The following MICU1 variants were observed in gnomAD, a reference collection of about 807,000 sequenced individuals.
MICU1 encodes the protein calcium uptake protein 1, mitochondrial.
A neutral mutation model predicts 56.8 loss-of-function variants in MICU1; 45 were observed. The ratio of observed to expected loss-of-function variants is 0.79; its 90% CI spans 0.62 to 1.02. The LOEUF (loss-of-function observed/expected upper bound fraction) is 1.02. Among genes scored for constraint, MICU1 ranks in the 50% least tolerant of loss-of-function variants. MICU1 has a pLI of 0.00. For synonymous variants in MICU1, 186 were observed against 195.1 expected (o/e 0.95, Z 0.39); for missense variants, 504 against 587.1 (o/e 0.86, Z 1.46).
intron 1 of MICU1, among the ~76,000 whole-genome samples, chr10:72,616,937 G>A (rs1457830585): frequency 1.3e-5 from 2 of 152,206 alleles, no homozygotes; most frequent in East Asian, 3.8e-4. Context: ...CTGTTCTGCA[G>A]CTGGAAAACT....
chr10:72,542,454 C>A (rs1839796049), intron 4 of MICU1, among the ~76,000 whole-genome samples: 1 of 152,192 alleles, frequency 6.6e-6, no homozygotes, highest in Admixed American at 6.5e-5. Context: ...GCTTAGCCTG[C>A]CCCTGTCTAC....
chr10:72,372,353 C>T (rs772349761), intron 11 of MICU1, among the ~76,000 whole-genome samples: 6 of 151,996 alleles, frequency 3.9e-5, no homozygotes, highest in Admixed American at 1.3e-4. Flanking sequence ...GGTGACAGAG[C>T]GGGTGTGGTG....
chr10:72,623,521 C>G lies in MICU1; in HGVS notation c.-2+2489G>C, dbSNP rs371119430. Among the ~76,000 whole-genome samples, 10 of 152,102 alleles carry G rather than the reference C, an allele frequency of 6.6e-5. No individual in the cohort carries two copies. The South Asian group carries it at 2.1e-3, about 32-fold the overall frequency. The stretch of plus-strand genomic sequence containing the variant: ...CTTTGGGAGGCCAAGGCGGGAGGAT[C>G]GCTTGAGTCTGGGAGTTCCAAGACT... On this transcript the variant is annotated intron_variant, in intron 1 of 11. Coordinates refer to ENST00000361114, the MANE Select transcript of MICU1 (RefSeq NM_001195518.2).
intron 8 of MICU1, among the ~76,000 whole-genome samples, chr10:72,433,087 A>C (rs1401981904): frequency 1.4e-5 from 2 of 147,492 alleles, no homozygotes; most frequent in East Asian, 4.1e-4. Context: ...ACAGGTCTGC[A>C]CCACCATGCC....
At chr10:72,545,740 G>A (rs1239746431) in intron 4 of MICU1, among the ~76,000 whole-genome samples, 1 of 152,154 alleles carries the variant, frequency 6.6e-6, no homozygotes, top group Non-Finnish European at 1.5e-5. Context: ...ACAAAGACCA[G>A]AAAAAGGGAA....
chr10:72,616,740 G>T (rs888767931), intron 1 of MICU1, among the ~76,000 whole-genome samples: 1 of 151,836 alleles, frequency 6.6e-6, no homozygotes, highest in African/African-American at 2.4e-5. Flanking sequence ...GCCTCAGAAA[G>T]TTTCCTCACA....
At chr10:72,476,025 G>A (rs927011318) in intron 7 of MICU1, among the ~76,000 whole-genome samples, 12 of 151,712 alleles carry the variant, frequency 7.9e-5, no homozygotes, top group African/African-American at 1.5e-4. Flanking sequence ...TCAGGAGTTC[G>A]AGACCAGCCT....
Position 72,367,958 on chromosome 10 carries a change from C to T in MICU1, c.*237G>A. The T allele has an allele frequency of 2.2e-6, 1 of 451,962 alleles. No individual in the cohort carries two copies. The highest frequency in any genetic ancestry group is 3.6e-5 in the Admixed American group (1 of 28,006). The allele number at this position is 451,962 out of a possible 1,614,324, so 28.0% of individuals were successfully genotyped here. On this transcript the variant is annotated 3_prime_UTR_variant, in exon 12 of 12. Transcript: ENST00000361114. ...CTGTTGAGGCTGACAAATGTCTGAG[C>T]TTTACAGACTTGTTCATGTTTTTGA...
chr10:72,603,817 AAAC>A (rs1841611856), intron 1 of MICU1, among the ~76,000 whole-genome samples: 1 of 152,162 alleles, frequency 6.6e-6, no homozygotes, highest in Non-Finnish European at 1.5e-5. Flanking sequence ...AAACAAAACA[AAAC>A]AAACAAACAA....
intron 5 of MICU1, among the ~76,000 whole-genome samples, chr10:72,512,718 G>GTTTTGTTTTC (rs60662039): frequency 6.6e-6 from 1 of 151,550 alleles, no homozygotes; most frequent in African/African-American, 2.4e-5. Context: ...GTTTTGTTTT[G>GTTTTGTTTTC]AGACAGTGTC....
At chr10:72,547,270 C>T (rs531397197) in intron 4 of MICU1, among the ~76,000 whole-genome samples, 1 of 152,026 alleles carries the variant, frequency 6.6e-6, no homozygotes, top group Non-Finnish European at 1.5e-5. Flanking sequence ...AACTCCTGGC[C>T]TCAAGCGGTC....
At chr10:72,495,562 G>A (rs1209682291) in intron 6 of MICU1, among the ~76,000 whole-genome samples, 2 of 151,306 alleles carry the variant, frequency 1.3e-5, no homozygotes, top group Non-Finnish European at 2.9e-5. Flanking sequence ...AGCTGAGGCA[G>A]GAGAATCACT....
intron 7 of MICU1, among the ~76,000 whole-genome samples, chr10:72,476,567 C>A (rs527550143): frequency 2.0e-5 from 3 of 152,232 alleles, no homozygotes; most frequent in South Asian, 4.2e-4. Context: ...ATACTTTCTC[C>A]CACTTCCTGG....
At chr10:72,534,600 T>A (rs544814213) in intron 4 of MICU1, among the ~76,000 whole-genome samples, 1 of 152,354 alleles carries the variant, frequency 6.6e-6, no homozygotes, top group Admixed American at 6.5e-5. Flanking sequence ...TCAGTTACAC[T>A]TATTTTCTTG....
At chr10:72,459,389 A>C (rs1016836039) in intron 8 of MICU1, among the ~76,000 whole-genome samples, 2 of 152,170 alleles carry the variant, frequency 1.3e-5, no homozygotes, top group African/African-American at 4.8e-5. Context: ...TATATTGATT[A>C]GTTTTTTGAC....
At chr10:72,458,900 A>T (rs28654454) in intron 8 of MICU1, among the ~76,000 whole-genome samples, 1,901 of 119,394 alleles carry the variant, frequency 0.016, no homozygotes, top group East Asian at 0.041. Context: ...TTTTTTTTGT[A>T]TTTTTTTTTG....
intron 8 of MICU1, among the ~76,000 whole-genome samples, chr10:72,459,159 C>A (rs1433840114): frequency 6.6e-6 from 1 of 151,884 alleles, no homozygotes; most frequent in Non-Finnish European, 1.5e-5. Flanking sequence ...GGTGAAACCC[C>A]ATCTCTACTA....
chr10:72,382,200 C>G lies in MICU1; in HGVS notation c.1181-6328G>C, dbSNP rs187730186. The stretch of plus-strand genomic sequence containing the variant: ...ATCTCGGCTCATTGCAACCTCGCCT[C>G]CCGGGTTTAAGTGATTCTCCTGCCT... On this transcript the variant is annotated intron_variant, in intron 10 of 11. Coordinates refer to ENST00000361114, the MANE Select transcript of MICU1 (RefSeq NM_001195518.2). 3.9e-4 allele frequency among the ~76,000 whole-genome samples: 59 copies of G among 151,764 alleles called. No homozygotes were observed. The East Asian group carries it at 0.011, about 29-fold the overall frequency.
intron 1 of MICU1, among the ~76,000 whole-genome samples, chr10:72,618,942 G>T (rs2132586355): frequency 6.6e-6 from 1 of 152,206 alleles, no homozygotes; most frequent in Middle Eastern, 3.4e-3. Flanking sequence ...AGGCTGTAAG[G>T]TCCTTGAAGA....
Sources: gnomAD v4.1 joint callset for allele counts (sites outside exome capture counted in the v4.1 genomes callset) on GRCh38, gnomAD v4.1.1 for gene constraint, MANE v1.5 for transcripts, NCBI Gene and HGNC (gene_info 2026-07-23, HGNC 2026-07-21) for gene names.